Variants in PDE6H observed in about 807,000 individuals in gnomAD.
PDE6H encodes phosphodiesterase 6H, also known as retinal cone rhodopsin-sensitive cGMP 3',5'-cyclic phosphodiesterase subunit gamma.
A neutral mutation model predicts 9.2 loss-of-function variants in PDE6H; 11 were observed. The observed-to-expected ratio is 1.19, with a 90% CI of 0.75 to 1.97. The LOEUF is 1.97. PDE6H is among the 30% of genes most tolerant of loss of function. PDE6H has a pLI of 0.00. For missense variants in PDE6H, 98 were observed against 101.5 expected (o/e 0.97, Z 0.15); for synonymous variants, 36 against 33.6 (o/e 1.07, Z -0.25).
Position 14,981,428 on chromosome 12 carries a change from A to G in PDE6H, c.204A>G (p.Ala68=), listed in dbSNP as rs1864681733. 1.2e-6 allele frequency: 2 copies of G among 1,613,604 alleles called. No individual in the cohort carries two copies. The highest frequency in any genetic ancestry group is 1.7e-6 in the Non-Finnish European group (2 of 1,179,464). Reference sequence around the variant, plus strand: ...TCACAGTGATTTGTCCATGGGAGGCATTCAGCCACCTGGAATTGCATGAGC... The same window carrying G: ...TCACAGTGATTTGTCCATGGGAGGCGTTCAGCCACCTGGAATTGCATGAGC... ...TDITVICPWE[A]FSHLELHELA... The change falls in exon 4 of 4, where the codon GCA becomes GCG. Residue 68 remains alanine (A), a synonymous_variant. Coordinates refer to ENST00000266395, the MANE Select transcript of PDE6H (RefSeq NM_006205.3).
chr12:14,973,752 C>T (rs765628056), intron 1 of PDE6H, among the ~76,000 whole-genome samples: 10 of 152,180 alleles, frequency 6.6e-5, no homozygotes, highest in Non-Finnish European at 1.5e-4. Context: ...TCCTTCCTGC[C>T]TCTTTCTTTG....
chr12:14,976,245 T>C (rs989585412), intron 1 of PDE6H, among the ~76,000 whole-genome samples: 13 of 152,202 alleles, frequency 8.5e-5, no homozygotes, highest in African/African-American at 3.1e-4. Flanking sequence ...GCTAGTCCAG[T>C]AGGGGATAAA....
At chr12:14,978,219 T>A in intron 2 of PDE6H, 73 bp downstream of exon 2, 1 of 1,408,364 alleles carries the variant, frequency 7.1e-7, no homozygotes, top group Non-Finnish European at 9.9e-7. Context: ...TTTTGGGAAA[T>A]TGGTGCTCAC....
intron 2 of PDE6H, among the ~76,000 whole-genome samples, chr12:14,978,600 T>C (rs1415557870): frequency 6.6e-6 from 1 of 152,254 alleles, no homozygotes; most frequent in East Asian, 1.9e-4. Context: ...TGCTAATTTC[T>C]TTTTGAAGCT....
chr12:14,978,159 T>A lies in PDE6H; in HGVS notation c.134+13T>A. 2 of 1,612,306 alleles carry A rather than the reference T, an allele frequency of 1.2e-6. No homozygotes were observed. Among genetic ancestry groups the A allele is most frequent in the Non-Finnish European group, 1.7e-6 (2 of 1,179,006 alleles). On this transcript the variant is annotated intron_variant, in intron 2 of 3. Coordinates refer to ENST00000266395, the MANE Select transcript of PDE6H (RefSeq NM_006205.3). ...AAGGTGTGAAAGGGTAAGACCAAAA[T>A]GAAAAGAAAAACTTTCTATTACTTT...
intron 1 of PDE6H, among the ~76,000 whole-genome samples, chr12:14,976,897 A>G (rs1864604234): frequency 6.6e-6 from 1 of 152,222 alleles, no homozygotes; most frequent in Admixed American, 6.5e-5. Flanking sequence ...GAAAGAAAGG[A>G]AGAAAGAAAA....
rs148437888 is a variant in PDE6H at position 14,980,176 on chromosome 12, T to C, written c.175+957T>C. ...AAACCCCAGACATCCACTAATGTTC[T>C]TACTGTCTCTATAGTTTTGCCTTTT... On this transcript the variant is annotated intron_variant, in intron 3 of 3. Transcript: ENST00000266395. Among the ~76,000 whole-genome samples, 283 of 152,336 alleles carry C rather than the reference T, an allele frequency of 1.9e-3. 1 individual carries two copies. The highest frequency in any genetic ancestry group is 6.3e-3 in the African/African-American group (262 of 41,566).
intron 1 of PDE6H, among the ~76,000 whole-genome samples, chr12:14,975,053 C>T (rs1206553349): frequency 6.6e-6 from 1 of 152,160 alleles, no homozygotes; most frequent in East Asian, 1.9e-4. Flanking sequence ...TCCTAAGTCA[C>T]GTAGCCAGTT....
At chr12:14,977,188 GA>G (rs1864608797) in intron 1 of PDE6H, among the ~76,000 whole-genome samples, 1 of 152,206 alleles carries the variant, frequency 6.6e-6, no homozygotes, top group African/African-American at 2.4e-5. Context: ...AAGATGTGTT[GA>G]ATATATTCAT....
intron 2 of PDE6H, 125 bp from the exon 3 acceptor site, chr12:14,979,054 T>G: frequency 1.4e-6 from 1 of 722,418 alleles, no homozygotes; most frequent in Non-Finnish European, 2.5e-6. Flanking sequence ...ACTAAAGGAG[T>G]TTCTCACATA....
chr12:14,980,569 G>A (rs1864666859), intron 3 of PDE6H, among the ~76,000 whole-genome samples: 1 of 152,054 alleles, frequency 6.6e-6, no homozygotes, highest in African/African-American at 2.4e-5. Context: ...ACCAATCCTG[G>A]GATCTTGAAT....
Position 14,981,731 on chromosome 12 carries a change from T to C in PDE6H, c.*255T>C. 1 of 571,516 alleles carries C rather than the reference T, an allele frequency of 1.7e-6. No individual in the cohort carries two copies. The highest frequency in any genetic ancestry group is 3.1e-6 in the Non-Finnish European group (1 of 320,206). 35.4% of individuals were successfully genotyped at this position (571,516 alleles called of 1,614,324 possible). A position where few individuals can be genotyped will look rare whatever the true frequency, so the allele number is the denominator to read the frequency against. On this transcript the variant is annotated 3_prime_UTR_variant, in exon 4 of 4. Transcript: ENST00000266395. ...TAGTTAGAAGTCATCAATATTTCTC[T>C]ACATTTTGTTTATCTGTAAGTCCTT...
At position 14,981,461 on chromosome 12, in the gene PDE6H, G is replaced by C. The variant is rs564659543; in HGVS notation, c.237G>C (p.Gln79His). The change falls in exon 4 of 4, where the codon CAG (glutamine) becomes CAC (histidine). Residue 79 changes from glutamine to histidine, a missense_variant. Coordinates refer to ENST00000266395, the MANE Select transcript of PDE6H (RefSeq NM_006205.3). ...FSHLELHELA[Q>H]FGII ...ACCTGGAATTGCATGAGCTCGCTCAGTTTGGGATTATCTGAAGTGCCAGAG... is the reference window on the plus strand; with the variant it reads ...ACCTGGAATTGCATGAGCTCGCTCACTTTGGGATTATCTGAAGTGCCAGAG... 103 of 1,612,926 alleles carry C rather than the reference G, an allele frequency of 6.4e-5. 1 individual carries two copies. In the South Asian group the frequency reaches 1.1e-3, roughly 17 times the overall value.
chr12:14,978,129 A>G lies in PDE6H; in HGVS notation c.117A>G (p.Pro39=), dbSNP rs766367744. 30 of 1,613,728 alleles carry G rather than the reference A, an allele frequency of 1.9e-5. No homozygotes were observed. The highest frequency in any genetic ancestry group is 5.3e-5 in the African/African-American group (4 of 74,936). Residue 39 remains proline (P), a synonymous_variant, in exon 2 of 4, where the codon CCA becomes CCG. Transcript: ENST00000266395. ...RQTRQFKSKP[P]KKGVKGFGDD... The stretch of plus-strand genomic sequence containing the variant: ...CTCGCCAATTCAAGAGTAAACCTCC[A>G]AAGAAAGGTGTGAAAGGGTAAGACC...
intron 1 of PDE6H, 146 bp from the exon 2 acceptor site, chr12:14,977,826 T>C (rs148930668): frequency 4.8e-5 from 29 of 597,986 alleles, no homozygotes; most frequent in Non-Finnish European, 7.6e-5. Flanking sequence ...CTTTTAAAGA[T>C]GATAACTTCT....
At chr12:14,977,896 C>A (rs1416346401) in intron 1 of PDE6H, 76 bp from the exon 2 acceptor site, 2 of 1,007,530 alleles carry the variant, frequency 2.0e-6, no homozygotes, top group Non-Finnish European at 3.0e-6. Context: ...TCTTCTCCAG[C>A]CTGAAATAAA....
chr12:14,975,344 T>G (rs1343298096), intron 1 of PDE6H, among the ~76,000 whole-genome samples: 1 of 147,766 alleles, frequency 6.8e-6, no homozygotes, highest in Non-Finnish European at 1.5e-5. Context: ...TCTTTGTAAT[T>G]CAAATTGAAC....
At chr12:14,973,641 T>G (rs537510252) in intron 1 of PDE6H, among the ~76,000 whole-genome samples, 82 of 152,318 alleles carry the variant, frequency 5.4e-4, no homozygotes, top group Middle Eastern at 3.4e-3. Context: ...TGGCTTTGGT[T>G]TGGGTCTTGC....
At chr12:14,979,717 T>C (rs201096190) in intron 3 of PDE6H, among the ~76,000 whole-genome samples, 1 of 152,356 alleles carries the variant, frequency 6.6e-6, no homozygotes, top group East Asian at 1.9e-4. Context: ...GGATCTTACA[T>C]ACTGAATGCC....
Sources: allele counts gnomAD v4.1 joint callset (sites outside exome capture counted in the v4.1 genomes callset), GRCh38; gene constraint gnomAD v4.1.1; transcripts MANE v1.5; gene names NCBI Gene and HGNC (gene_info 2026-07-23, HGNC 2026-07-21).